Variants in TNRC6A observed in about 807,000 individuals in gnomAD.
TNRC6A encodes trinucleotide repeat-containing gene 6A protein.
TNRC6A carries 44 observed loss-of-function variants against 221.2 expected under a neutral mutation model. The observed-to-expected ratio is 0.20, with a 90% CI of 0.16 to 0.26. TNRC6A has a LOEUF of 0.26. TNRC6A is among the 10% of genes least tolerant of loss of function. The pLI, the probability that TNRC6A is intolerant of heterozygous loss-of-function variation, is 1.00. For synonymous variants in TNRC6A, 847 were observed against 838.5 expected (o/e 1.01, Z -0.18); for missense variants, 2,199 against 2,404.4 (o/e 0.91, Z 1.79).
At chr16:24,628,953 C>A (rs1373115987) in intron 1 of TNRC6A, among the ~76,000 whole-genome samples, 1 of 152,116 alleles carries the variant, frequency 6.6e-6, no homozygotes, top group Non-Finnish European at 1.5e-5. Flanking sequence ...ACAGCTATAA[C>A]TTTAGCACCT....
At chr16:24,646,664 C>T (rs1089666) in intron 2 of TNRC6A, among the ~76,000 whole-genome samples, 6,694 of 152,170 alleles carry the variant, frequency 0.044, 212 homozygotes, top group African/African-American at 0.092. Flanking sequence ...TTTTTTTGGT[C>T]AGATGTAAAA....
At position 24,767,141 on chromosome 16, in the gene TNRC6A, G is replaced by A. The variant is rs565216863; in HGVS notation, c.163+8781G>A. On this transcript the variant is annotated intron_variant, in intron 4 of 24. Coordinates refer to ENST00000395799, the MANE Select transcript of TNRC6A (RefSeq NM_014494.4). ...TATTTCCCACATTGTGGACCATATC[G>A]TATATATGAAGTCATTCTGAGGATG... Among the ~76,000 whole-genome samples the A allele has an allele frequency of 2.1e-3, 318 of 152,154 alleles. 10 individuals are homozygous for A. Among genetic ancestry groups the A allele is most frequent in the Middle Eastern group, 3.4e-3 (1 of 294 alleles).
At chr16:24,677,558 G>A (rs543105384) in intron 2 of TNRC6A, among the ~76,000 whole-genome samples, 5 of 152,210 alleles carry the variant, frequency 3.3e-5, no homozygotes, top group South Asian at 2.1e-4. Context: ...CCTCCCATCC[G>A]CTCACTCACC....
intron 2 of TNRC6A, among the ~76,000 whole-genome samples, chr16:24,649,665 A>G (rs1902520067): frequency 6.6e-6 from 1 of 151,884 alleles, no homozygotes; most frequent in Non-Finnish European, 1.5e-5. Context: ...CTCTCTTAGC[A>G]ATTTTCAAAT....
At chr16:24,710,491 C>T (rs1240938283) in intron 2 of TNRC6A, among the ~76,000 whole-genome samples, 2 of 152,068 alleles carry the variant, frequency 1.3e-5, no homozygotes, top group African/African-American at 4.8e-5. Context: ...GCCTGTAGTC[C>T]TGCAGTGTAG....
chr16:24,693,388 A>T (rs1187832412), intron 2 of TNRC6A, among the ~76,000 whole-genome samples: 1 of 152,102 alleles, frequency 6.6e-6, no homozygotes, highest in African/African-American at 2.4e-5. Flanking sequence ...GGAGTTCGAG[A>T]CCAGCCTGGC....
rs1234529068 is a variant in TNRC6A, at chr16:24,820,120, T to C, written c.5081-19T>C. ...TAAACATTATTCCTCCCCTCTCCAT[T>C]TTTTCCCCCTTTGAGTAGCCAGAAA... On this transcript the variant is annotated intron_variant, in intron 21 of 24. Transcript: ENST00000395799. 6 of 1,608,184 alleles carry C rather than the reference T, an allele frequency of 3.7e-6. No homozygotes were observed. In the South Asian group the frequency reaches 4.4e-5, roughly 12 times the overall value.
At chr16:24,782,837 A>T (rs1030144413) in intron 5 of TNRC6A, among the ~76,000 whole-genome samples, 8 of 152,094 alleles carry the variant, frequency 5.3e-5, no homozygotes, top group African/African-American at 1.9e-4. Context: ...GCGCCACTGC[A>T]CTCCAGCCTG....
chr16:24,645,858 A>AAAAAAAAAAAAAAAAAAAAAAAG (rs1351792620), intron 2 of TNRC6A, among the ~76,000 whole-genome samples: 1 of 142,728 alleles, frequency 7.0e-6, no homozygotes, highest in Non-Finnish European at 1.5e-5. Context: ...AAAAAAAAAA[A>AAAAAAAAAAAAAAAAAAAAAAAG]AAAAAAAAAT....
At chr16:24,647,770 C>T (rs1420972789) in intron 2 of TNRC6A, among the ~76,000 whole-genome samples, 1 of 152,152 alleles carries the variant, frequency 6.6e-6, no homozygotes, top group East Asian at 1.9e-4. Flanking sequence ...CGCCACCATG[C>T]CTGGCTAATT....
chr16:24,763,808 C>T (rs1301504217), intron 4 of TNRC6A, among the ~76,000 whole-genome samples: 1 of 152,112 alleles, frequency 6.6e-6, no homozygotes, highest in East Asian at 1.9e-4. Flanking sequence ...AGGCCTTTGT[C>T]ATTTACCTGT....
intron 1 of TNRC6A, among the ~76,000 whole-genome samples, chr16:24,632,012 C>T (rs1018640952): frequency 1.3e-5 from 2 of 151,898 alleles, no homozygotes; most frequent in Non-Finnish European, 2.9e-5. Flanking sequence ...GTGTGCACCA[C>T]CACACCCAGC....
intron 4 of TNRC6A, chr16:24,776,254 G>T (rs2057715946): frequency 1.0e-6 from 1 of 984,142 alleles, no homozygotes; most frequent in Non-Finnish European, 1.2e-6. Flanking sequence ...TTCCCTATTT[G>T]CAGTTTCCGA....
rs151229386 is a variant in TNRC6A at position 24,716,529 on chromosome 16, C to T, written n.403-34197C>T. On this transcript the variant is annotated intron_variant and non_coding_transcript_variant, in intron 2 of 2. Transcript: ENST00000566108. ...ACAAAAAATACAAAAATTAGCCGAG[C>T]GTGATGGTGCACGCCTGTAGTCCCA... Among the ~76,000 whole-genome samples, 153 of 152,060 alleles carry T rather than the reference C, an allele frequency of 1.0e-3. 1 individual carries two copies. The East Asian group carries it at 0.024, about 24-fold the overall frequency.
intron 2 of TNRC6A, among the ~76,000 whole-genome samples, chr16:24,645,785 C>G (rs946180085): frequency 2.3e-5 from 3 of 132,952 alleles, no homozygotes; most frequent in African/African-American, 8.6e-5. Flanking sequence ...ATCACTTGAG[C>G]TCAGGAGTTC....
intron 1 of TNRC6A, among the ~76,000 whole-genome samples, chr16:24,615,038 C>T (rs1385695826): frequency 6.6e-6 from 1 of 152,122 alleles, no homozygotes; most frequent in Admixed American, 6.5e-5. Flanking sequence ...GCACTCCAGC[C>T]TGGGTGACAG....
In TNRC6A at chr16:24,659,294, T is replaced by C. The variant is rs539261822; in HGVS notation, n.402+18285T>C. 2.6e-4 allele frequency among the ~76,000 whole-genome samples: 39 copies of C among 152,302 alleles called. 1 individual carries two copies. In the South Asian group the frequency reaches 7.5e-3, roughly 29 times the overall value. Reference sequence around the variant, plus strand: ...CTACTTAACAATCCAGTTTTAGTCATAGGACAGAGGTTTTGCTATGTATTA... The same window carrying C: ...CTACTTAACAATCCAGTTTTAGTCACAGGACAGAGGTTTTGCTATGTATTA... On this transcript the variant is annotated intron_variant and non_coding_transcript_variant, in intron 2 of 2. Transcript: ENST00000566108.
intron 4 of TNRC6A, among the ~76,000 whole-genome samples, chr16:24,776,027 T>C (rs184854890): frequency 6.6e-6 from 1 of 152,328 alleles, no homozygotes; most frequent in East Asian, 1.9e-4. Flanking sequence ...GTGTAGGTAC[T>C]ATCTCCATTT....
chr16:24,635,982 A>G (rs770558768), intron 1 of TNRC6A, among the ~76,000 whole-genome samples: 34 of 152,224 alleles, frequency 2.2e-4, no homozygotes, highest in Non-Finnish European at 4.4e-4. Flanking sequence ...TTAATTCATT[A>G]CATATTTATT....
Sources: gnomAD v4.1 joint callset for allele counts (sites outside exome capture counted in the v4.1 genomes callset) on GRCh38, gnomAD v4.1.1 for gene constraint, MANE v1.5 for transcripts, NCBI Gene and HGNC (gene_info 2026-07-23, HGNC 2026-07-21) for gene names.